FHIT: variants seen among roughly 807,000 people sequenced by gnomAD.
FHIT encodes the protein fragile histidine triad diadenosine triphosphatase, also known as bis(5'-adenosyl)-triphosphatase.
A neutral mutation model predicts 17.9 loss-of-function variants in FHIT; 19 were observed. That is an observed-to-expected ratio of 1.06 (90% CI 0.74 to 1.56). FHIT has a LOEUF of 1.56. Ranked by LOEUF, FHIT falls within the 40% of genes most tolerant of loss-of-function variation. FHIT has a pLI of 0.00. For synonymous variants in FHIT, 81 were observed against 69.7 expected, an observed-to-expected ratio of 1.16 and a Z score of -0.81; for missense variants, 248 against 189.2, an observed-to-expected ratio of 1.31 and a Z score of -1.82.
chr3:60,485,934 T>A (rs557582159), intron 5 of FHIT, among the ~76,000 whole-genome samples: 1 of 152,174 alleles, frequency 6.6e-6, no homozygotes, highest in Admixed American at 6.5e-5. Flanking sequence ...AAAAAATAAA[T>A]GAAAAGTCTA....
At chr3:60,852,957 C>G (rs1489092310) in intron 3 of FHIT, among the ~76,000 whole-genome samples, 1 of 152,018 alleles carries the variant, frequency 6.6e-6, no homozygotes, top group Non-Finnish European at 1.5e-5. Context: ...ATATGAAACA[C>G]ATAGTTAAAT....
In FHIT at chr3:60,242,782, A is replaced by G. The variant is rs143800279; in HGVS notation, c.104-228630T>C. Among the ~76,000 whole-genome samples, 683 of 152,172 alleles carry G rather than the reference A, an allele frequency of 4.5e-3. 6 individuals are homozygous for G. The highest frequency in any genetic ancestry group is 0.016 in the African/African-American group (648 of 41,532). On this transcript the variant is annotated intron_variant, in intron 5 of 9. Coordinates refer to ENST00000492590, the MANE Select transcript of FHIT (RefSeq NM_002012.4). ...GATGGTCATAATGGCTGAAAACTCT[A>G]TTAGACAGCACTGCTTTCAGTCCTT...
intron 5 of FHIT, among the ~76,000 whole-genome samples, chr3:60,175,428 T>C (rs1335575416): frequency 2.0e-5 from 3 of 152,270 alleles, no homozygotes; most frequent in Middle Eastern, 3.4e-3. Flanking sequence ...GATAATAGCA[T>C]AATTATATAT....
At chr3:60,876,758 T>A (rs1160582776) in intron 3 of FHIT, among the ~76,000 whole-genome samples, 3 of 152,166 alleles carry the variant, frequency 2.0e-5, no homozygotes, top group Non-Finnish European at 4.4e-5. Context: ...ACTCCAGCAC[T>A]CATCCCTTCC....
chr3:59,994,444 T>C (rs55666681), intron 7 of FHIT, among the ~76,000 whole-genome samples: 7,648 of 152,178 alleles, frequency 0.05, 224 homozygotes, highest in African/African-American at 0.062. Flanking sequence ...GAACTCATTC[T>C]TCCCTGGAAT....
rs531094331 is a variant in FHIT at position 61,078,860 on chromosome 3, T to G, written c.-163-36761A>C. ...GCTGTACCCAGGAAAAGTTTTGTAA[T>G]CCACTGATTTCTTTAATGAGCATTC... is the stretch of plus-strand genomic sequence containing the variant. On this transcript the variant is annotated intron_variant, in intron 2 of 9. Coordinates refer to ENST00000492590, the MANE Select transcript of FHIT (RefSeq NM_002012.4). 4.6e-5 allele frequency among the ~76,000 whole-genome samples: 7 copies of G among 152,338 alleles called. 1 individual carries two copies. In the South Asian group the frequency reaches 1.4e-3, roughly 32 times the overall value.
chr3:59,997,983 G>C (rs911118402), intron 7 of FHIT, among the ~76,000 whole-genome samples: 1 of 152,086 alleles, frequency 6.6e-6, no homozygotes, highest in Non-Finnish European at 1.5e-5. Context: ...TTTCAACACA[G>C]GGTATCAAGG....
At chr3:60,338,216 T>C (rs376663790) in intron 5 of FHIT, among the ~76,000 whole-genome samples, 146 of 152,282 alleles carry the variant, frequency 9.6e-4, no homozygotes, top group African/African-American at 3.4e-3. Context: ...TTTAAGACTA[T>C]AGCTTTCCCA....
intron 3 of FHIT, among the ~76,000 whole-genome samples, chr3:60,839,103 A>G (rs1559761399): frequency 6.6e-6 from 1 of 152,156 alleles, no homozygotes; most frequent in Non-Finnish European, 1.5e-5. Context: ...GCTGGGCTAG[A>G]GGGCCTCATC....
intron 5 of FHIT, among the ~76,000 whole-genome samples, chr3:60,186,004 T>A (rs1559709379): frequency 1.3e-5 from 2 of 152,236 alleles, no homozygotes. Flanking sequence ...CTTGTTTTGT[T>A]TTCTTACTGT....
intron 4 of FHIT, among the ~76,000 whole-genome samples, chr3:60,562,825 A>G (rs897381842): frequency 6.6e-6 from 1 of 152,142 alleles, no homozygotes; most frequent in Non-Finnish European, 1.5e-5. Flanking sequence ...GGCCTCTATC[A>G]GTCATTCCTT....
At chr3:60,615,012 T>G (rs1157396378) in intron 4 of FHIT, among the ~76,000 whole-genome samples, 2 of 151,884 alleles carry the variant, frequency 1.3e-5, no homozygotes, top group African/African-American at 2.4e-5. Flanking sequence ...GTACTATTAG[T>G]AGAGACAGGG....
At chr3:60,518,234 T>C (rs1283602662) in intron 5 of FHIT, among the ~76,000 whole-genome samples, 1 of 152,150 alleles carries the variant, frequency 6.6e-6, no homozygotes, top group East Asian at 1.9e-4. Flanking sequence ...GAACAATATT[T>C]GCAACAAATG....
intron 3 of FHIT, among the ~76,000 whole-genome samples, chr3:60,899,949 C>CT (rs1706024307): frequency 6.6e-6 from 1 of 152,154 alleles, no homozygotes. Context: ...GCATACCGCA[C>CT]TGGGCACAGG....
chr3:60,560,357 G>T (rs959790428), intron 4 of FHIT, among the ~76,000 whole-genome samples: 1 of 151,954 alleles, frequency 6.6e-6, no homozygotes, highest in Non-Finnish European at 1.5e-5. Context: ...CTCCTTAAGG[G>T]CTGGGAATAC....
At chr3:60,574,095 C>G (rs2037482307) in intron 4 of FHIT, among the ~76,000 whole-genome samples, 1 of 152,118 alleles carries the variant, frequency 6.6e-6, no homozygotes. Context: ...CAGACGGGAG[C>G]CACCACGTCT....
At chr3:60,282,497 C>T (rs952618368) in intron 5 of FHIT, among the ~76,000 whole-genome samples, 2 of 152,028 alleles carry the variant, frequency 1.3e-5, no homozygotes, top group South Asian at 4.1e-4. Flanking sequence ...GGTGGATACA[C>T]GACAATATGC....
At chr3:60,917,230 T>C (rs1370010160) in intron 3 of FHIT, among the ~76,000 whole-genome samples, 3 of 152,152 alleles carry the variant, frequency 2.0e-5, no homozygotes, top group African/African-American at 4.8e-5. Flanking sequence ...TTAGAAGGAA[T>C]GACACAGTTG....
rs190254315 is a variant in FHIT at position 61,039,014 on chromosome 3, C to T, written c.-111+3033G>A. Among the ~76,000 whole-genome samples the T allele has an allele frequency of 5.2e-3, 793 of 152,198 alleles. 2 individuals carry two copies. Among genetic ancestry groups the T allele is most frequent in the Non-Finnish European group, 8.8e-3 (601 of 68,014 alleles). ...TAATATGGAAATTAATTGCACTATT[C>T]ACTCTACTTGGTGCATATTTGGAAA... On this transcript the variant is annotated intron_variant, in intron 3 of 9. Coordinates refer to ENST00000492590, the MANE Select transcript of FHIT (RefSeq NM_002012.4).
Sources: gnomAD v4.1 joint callset for allele counts (sites outside exome capture counted in the v4.1 genomes callset) on GRCh38, gnomAD v4.1.1 for gene constraint, MANE v1.5 for transcripts, NCBI Gene and HGNC (gene_info 2026-07-23, HGNC 2026-07-21) for gene names.